Variants in SLC39A11 observed in about 807,000 individuals in gnomAD.
SLC39A11 encodes the protein zinc transporter ZIP11.
A neutral mutation model predicts 36.1 loss-of-function variants in SLC39A11; 33 were observed. The observed-to-expected ratio is 0.91, with a 90% CI of 0.69 to 1.22. SLC39A11 has a LOEUF of 1.22. SLC39A11 is among the 50% of genes most tolerant of loss of function. SLC39A11 has a pLI of 0.00. For missense variants in SLC39A11, 432 were observed against 430.3 expected, an observed-to-expected ratio of 1.00 and a Z score of -0.03; for synonymous variants, 166 against 170.3, an observed-to-expected ratio of 0.97 and a Z score of 0.20.
At chr17:72,955,765 G>C (rs531878442) in intron 4 of SLC39A11, among the ~76,000 whole-genome samples, 2 of 152,174 alleles carry the variant, frequency 1.3e-5, no homozygotes, top group African/African-American at 4.8e-5. Context: ...AAATAAGAGG[G>C]AAATGTTGCA....
At chr17:72,704,063 G>C (rs1055094913) in intron 7 of SLC39A11, among the ~76,000 whole-genome samples, 1 of 152,218 alleles carries the variant, frequency 6.6e-6, no homozygotes, top group African/African-American at 2.4e-5. Context: ...GGGAGGTGGA[G>C]GTTGCAGTGA....
chr17:72,864,146 C>G (rs552434234), intron 5 of SLC39A11, among the ~76,000 whole-genome samples: 1 of 152,176 alleles, frequency 6.6e-6, no homozygotes, highest in African/African-American at 2.4e-5. Context: ...ACCACCTCAC[C>G]GGGGCCACCT....
At chr17:72,905,301 T>TA (rs36038691) in intron 5 of SLC39A11, among the ~76,000 whole-genome samples, 12 of 147,094 alleles carry the variant, frequency 8.2e-5, no homozygotes, top group African/African-American at 3.1e-4. Context: ...TTTTTTTTTT[T>TA]AAATAGTGTC....
intron 7 of SLC39A11, among the ~76,000 whole-genome samples, chr17:72,675,278 G>C (rs1291519297): frequency 6.6e-6 from 1 of 152,180 alleles, no homozygotes; most frequent in Non-Finnish European, 1.5e-5. Flanking sequence ...AGAAACCCCA[G>C]TGAGCTAGCT....
intron 5 of SLC39A11, among the ~76,000 whole-genome samples, chr17:72,910,335 T>G (rs1347954639): frequency 6.6e-6 from 1 of 152,044 alleles, no homozygotes; most frequent in East Asian, 1.9e-4. Context: ...TTTAAAAAAG[T>G]AAAAGAAACC....
chr17:72,723,324 G>C (rs2073785572), intron 7 of SLC39A11, among the ~76,000 whole-genome samples: 1 of 6,800 alleles, frequency 1.5e-4, no homozygotes, highest in Non-Finnish European at 4.7e-4. Context: ...GTGTAAGAGT[G>C]TGTGTGTGTG....
intron 6 of SLC39A11, among the ~76,000 whole-genome samples, chr17:72,848,833 G>C (rs1051749180): frequency 3.9e-5 from 6 of 152,130 alleles, no homozygotes; most frequent in South Asian, 2.1e-4. Flanking sequence ...GCAATTATCA[G>C]TGCCAAATTA....
intron 3 of SLC39A11, among the ~76,000 whole-genome samples, chr17:73,071,740 A>G (rs2060168118): frequency 6.6e-6 from 1 of 152,254 alleles, no homozygotes; most frequent in South Asian, 2.1e-4. Context: ...ACTGTAGTCC[A>G]AAAGCAATCA....
At chr17:72,823,390 A>G (rs1418156431) in intron 6 of SLC39A11, among the ~76,000 whole-genome samples, 2 of 151,168 alleles carry the variant, frequency 1.3e-5, no homozygotes, top group Non-Finnish European at 3.0e-5. Flanking sequence ...CTTTCCAGAC[A>G]TTGGTTCCGT....
chr17:72,901,669 A>G (rs1461432628), intron 5 of SLC39A11, among the ~76,000 whole-genome samples: 1 of 152,202 alleles, frequency 6.6e-6, no homozygotes, highest in African/African-American at 2.4e-5. Context: ...TTCCCAGCAG[A>G]CAGCAGAATG....
At chr17:72,915,688 T>C (rs1323717894) in intron 5 of SLC39A11, among the ~76,000 whole-genome samples, 1 of 152,172 alleles carries the variant, frequency 6.6e-6, no homozygotes, top group Admixed American at 6.5e-5. Context: ...ATCCTGGCAG[T>C]GGGCGAAAGC....
chr17:72,656,064 G>A (rs943715076), intron 7 of SLC39A11, among the ~76,000 whole-genome samples: 11 of 152,198 alleles, frequency 7.2e-5, no homozygotes, highest in Non-Finnish European at 2.9e-5. Context: ...CTGGGCAGGT[G>A]GGGTTGGTGG....
chr17:72,989,084 T>C (rs1207160535), intron 4 of SLC39A11, among the ~76,000 whole-genome samples: 1 of 152,204 alleles, frequency 6.6e-6, no homozygotes, highest in African/African-American at 2.4e-5. Flanking sequence ...AGAAATCTGC[T>C]TCACAACAAT....
intron 3 of SLC39A11, among the ~76,000 whole-genome samples, chr17:73,046,472 T>TC (rs761375885): frequency 9.2e-5 from 14 of 152,182 alleles, no homozygotes; most frequent in Admixed American, 3.9e-4. Context: ...CTCCTAGGAC[T>TC]GCCCGATATA....
At chr17:73,037,427 T>C (rs2058957959) in intron 3 of SLC39A11, among the ~76,000 whole-genome samples, 1 of 152,216 alleles carries the variant, frequency 6.6e-6, no homozygotes, top group Non-Finnish European at 1.5e-5. Context: ...GGTATCTGAT[T>C]ACCTCTCAAC....
intron 4 of SLC39A11, among the ~76,000 whole-genome samples, chr17:73,005,084 C>T (rs1036003103): frequency 6.6e-6 from 1 of 152,222 alleles, no homozygotes; most frequent in Non-Finnish European, 1.5e-5. Context: ...GCAACCTCCA[C>T]CTCCCAGGTT....
intron 6 of SLC39A11, among the ~76,000 whole-genome samples, chr17:72,825,791 G>T (rs1004104058): frequency 2.6e-5 from 4 of 152,198 alleles, no homozygotes; most frequent in Admixed American, 2.6e-4. Context: ...TTTTGGATTT[G>T]CCCCTTTGTT....
intron 6 of SLC39A11, among the ~76,000 whole-genome samples, chr17:72,777,466 T>C (rs72843272): frequency 0.055 from 8,363 of 151,964 alleles, 340 homozygotes; most frequent in Non-Finnish European, 0.081. Context: ...TTAGGGTGGG[T>C]CCCCAATCCA....
At chr17:72,709,466 T>C (rs2073028860) in intron 7 of SLC39A11, among the ~76,000 whole-genome samples, 1 of 152,246 alleles carries the variant, frequency 6.6e-6, no homozygotes, top group South Asian at 2.1e-4. Context: ...AGAGATCTGA[T>C]GTATAGGCTG....
Sources: allele counts gnomAD v4.1 joint callset (sites outside exome capture counted in the v4.1 genomes callset), GRCh38; gene constraint gnomAD v4.1.1; transcripts MANE v1.5; gene names NCBI Gene and HGNC (gene_info 2026-07-23, HGNC 2026-07-21).